SCARB1: variants seen among roughly 807,000 people sequenced by gnomAD.
SCARB1 encodes scavenger receptor class B member 1, also known as CD36 and LIMPII analogous 1.
Under a neutral mutation model 57.2 loss-of-function variants are expected in SCARB1, and 30 were observed. That is an observed-to-expected ratio of 0.52 (90% CI 0.39 to 0.71). The LOEUF (loss-of-function observed/expected upper bound fraction) is 0.71. Ranked by LOEUF, SCARB1 falls within the 30% of genes least tolerant of loss-of-function variation. The pLI is 0.00. For missense variants in SCARB1, 543 were observed against 671.2 expected (o/e 0.81, Z 2.11); for synonymous variants, 249 against 268.3 (o/e 0.93, Z 0.70).
chr12:124,824,663 G>A (rs950613556), intron 1 of SCARB1, among the ~76,000 whole-genome samples: 5 of 152,192 alleles, frequency 3.3e-5, no homozygotes, highest in Admixed American at 6.5e-5. Flanking sequence ...AAACAGGACC[G>A]CTGTGCACAG....
chr12:124,839,120 T>C (rs1383820508), intron 1 of SCARB1: 8 of 412,100 alleles, frequency 1.9e-5, no homozygotes, highest in Non-Finnish European at 3.9e-5. Flanking sequence ...ATTAAGGACA[T>C]TTGCAATGTT....
chr12:124,793,735 G>A (rs1361480592), intron 9 of SCARB1, among the ~76,000 whole-genome samples: 3 of 151,446 alleles, frequency 2.0e-5, no homozygotes, highest in African/African-American at 4.9e-5. Context: ...GGGGGGCAGA[G>A]GCTGTGCAAG....
intron 2 of SCARB1, among the ~76,000 whole-genome samples, chr12:124,816,035 G>C (rs1012194819): frequency 9.9e-5 from 15 of 152,018 alleles, no homozygotes; most frequent in Non-Finnish European, 1.8e-4. Flanking sequence ...CTCTGTCCCA[G>C]CCTTCAGACC....
In SCARB1 at chr12:124,812,928, T is replaced by G. The variant is rs1468506183; in HGVS notation, c.631-963A>C. ...GCCAGGTACAGTGCACCGGACACAG[T>G]AAGAGCTCAAAATGATAGTCTTTAT... is the stretch of plus-strand genomic sequence containing the variant. On this transcript the variant is annotated intron_variant, in intron 4 of 12. Coordinates refer to ENST00000261693, the MANE Select transcript of SCARB1 (RefSeq NM_005505.5). The surrounding 1 kb of genome is among the most constrained non-coding windows in gnomAD (Gnocchi z 4.3). Among the ~76,000 whole-genome samples, 1 of 152,204 alleles carries G rather than the reference T, an allele frequency of 6.6e-6. No individual in the cohort carries two copies. Among genetic ancestry groups the G allele is most frequent in the Admixed American group, 6.5e-5 (1 of 15,282 alleles).
chr12:124,795,671 A>G (rs1949919652), intron 8 of SCARB1, among the ~76,000 whole-genome samples: 1 of 152,202 alleles, frequency 6.6e-6, no homozygotes, highest in South Asian at 2.1e-4. Flanking sequence ...TCCACATTCA[A>G]TAAAACAGAC....
At chr12:124,826,011 T>C (rs1594314109) in intron 1 of SCARB1, among the ~76,000 whole-genome samples, 1 of 151,866 alleles carries the variant, frequency 6.6e-6, no homozygotes, top group Non-Finnish European at 1.5e-5. Context: ...CTGTACTGTA[T>C]ACTGGAAGCA....
intron 9 of SCARB1, among the ~76,000 whole-genome samples, chr12:124,790,679 C>T (rs1949692423): frequency 6.6e-6 from 1 of 152,266 alleles, no homozygotes; most frequent in Non-Finnish European, 1.5e-5. Flanking sequence ...GCAGGGTGGG[C>T]TGGCTCACCA....
intron 11 of SCARB1, chr12:124,785,290 T>G (rs1332427920): frequency 6.6e-6 from 1 of 152,604 alleles, no homozygotes; most frequent in Non-Finnish European, 1.5e-5. Flanking sequence ...AACTGCTCAC[T>G]GTGCACCACG....
At chr12:124,849,522 G>A (rs7488791) in intron 1 of SCARB1, among the ~76,000 whole-genome samples, 87,908 of 152,064 alleles carry the variant, frequency 0.58, 25,635 homozygotes, top group African/African-American at 0.63. Flanking sequence ...ACATTCGTTA[G>A]TGACTTCCTC....
intron 12 of SCARB1, 23 bp from the exon 13 acceptor site, chr12:124,778,609 G>A: frequency 7.1e-7 from 1 of 1,415,120 alleles, no homozygotes. Context: ...GCAAAGCTGG[G>A]TGACCACCCA....
chr12:124,786,283 C>T (rs1366597412), intron 11 of SCARB1, 74 bp downstream of exon 11: 3 of 1,603,522 alleles, frequency 1.9e-6, no homozygotes, highest in Non-Finnish European at 2.5e-6. Flanking sequence ...CCAGAGGGTC[C>T]GATCTGAGGC....
rs371177731 is a variant in SCARB1, at chr12:124,799,467, C to G, written c.1128+657G>C. ...CCTGAACCCAGGGAGGTCGAAGCTG[C>G]AGTGAGCCATGATCATGCCACTGCA... On this transcript the variant is annotated intron_variant, in intron 8 of 12. Coordinates refer to ENST00000261693, the MANE Select transcript of SCARB1 (RefSeq NM_005505.5). Among the ~76,000 whole-genome samples the G allele has an allele frequency of 2.6e-5, 4 of 152,170 alleles. No individual in the cohort carries two copies. In the East Asian group the frequency reaches 7.7e-4, roughly 29 times the overall value.
At chr12:124,782,514 G>A (rs1949354894) in intron 12 of SCARB1, among the ~76,000 whole-genome samples, 169 bp downstream of exon 12, 2 of 152,230 alleles carry the variant, frequency 1.3e-5, no homozygotes, top group Admixed American at 1.3e-4. Flanking sequence ...AACATAGGAA[G>A]GGCAGTTTCT....
At position 124,807,964 on chromosome 12, in the gene SCARB1, A is replaced by C. The variant is rs773530016; in HGVS notation, c.843-37T>G. 8.6e-5 allele frequency: 138 copies of C among 1,609,218 alleles called. 6 individuals are homozygous for C. In the South Asian group the frequency reaches 1.4e-3, roughly 17 times the overall value. On this transcript the variant is annotated intron_variant, in intron 6 of 12. Transcript: ENST00000261693. This position sits in a 1 kb window ranked among gnomAD's most constrained non-coding sequence, Gnocchi z 5.3. The stretch of plus-strand genomic sequence containing the variant: ...AGACAGGATGAGAGGGGACACCCAG[A>C]CCCGGCGGCCAGAGCCAGGCCCTGC...
intron 12 of SCARB1, among the ~76,000 whole-genome samples, chr12:124,779,537 C>T (rs1873014661): frequency 6.6e-6 from 1 of 152,166 alleles, no homozygotes; most frequent in South Asian, 2.1e-4. Flanking sequence ...GAGATGCTGG[C>T]CATCTTCAAC....
chr12:124,863,049 TG>T (rs1193533224), intron 1 of SCARB1, among the ~76,000 whole-genome samples: 1 of 152,122 alleles, frequency 6.6e-6, no homozygotes, highest in Non-Finnish European at 1.5e-5. Context: ...AGGGTTCCTA[TG>T]GGGAGATTCT....
intron 10 of SCARB1, among the ~76,000 whole-genome samples, chr12:124,786,774 T>C (rs1365604081): frequency 6.6e-6 from 1 of 152,212 alleles, no homozygotes; most frequent in Non-Finnish European, 1.5e-5. Context: ...ACTCTCCATC[T>C]CGTTCCCTGC....
At chr12:124,834,382 A>G (rs1338886161) in intron 1 of SCARB1, among the ~76,000 whole-genome samples, 1 of 152,202 alleles carries the variant, frequency 6.6e-6, no homozygotes, top group African/African-American at 2.4e-5. Context: ...TGAGGCCCCC[A>G]AAAGGGGCCC....
intron 12 of SCARB1, among the ~76,000 whole-genome samples, chr12:124,779,505 G>T (rs1249394687): frequency 3.9e-5 from 6 of 152,176 alleles, no homozygotes. Context: ...GCCACCCAGG[G>T]AACGAGTGAA....
Sources: gnomAD v4.1 joint callset for allele counts (sites outside exome capture counted in the v4.1 genomes callset) on GRCh38, gnomAD v4.1.1 for gene constraint, Gnocchi (gnomAD v3.1) non-coding constraint, MANE v1.5 for transcripts, NCBI Gene and HGNC (gene_info 2026-07-23, HGNC 2026-07-21) for gene names.